Variants in PRKCZ observed in about 807,000 individuals in gnomAD.
PRKCZ encodes the protein protein kinase C zeta type.
Under a neutral mutation model 79.5 loss-of-function variants are expected in PRKCZ, and 33 were observed. That is an observed-to-expected ratio of 0.41 (90% CI 0.31 to 0.55). The LOEUF (loss-of-function observed/expected upper bound fraction) is 0.55, where lower values mean the gene tolerates loss of function less well. Among genes scored for constraint, PRKCZ ranks in the 20% least tolerant of loss-of-function variants. The pLI is 0.19. For missense variants in PRKCZ, 578 were observed against 813.5 expected (o/e 0.71, Z 3.52); for synonymous variants, 342 against 320.9 (o/e 1.07, Z -0.70).
chr1:2,059,672 G>A (rs1008787373), intron 4 of PRKCZ, 81 bp downstream of exon 4: 1 of 1,566,586 alleles, frequency 6.4e-7, no homozygotes, highest in African/African-American at 1.4e-5. Flanking sequence ...AGGTGGCAGT[G>A]GTGCCGTTTT....
At chr1:2,067,827 T>C (rs1427894105) in intron 4 of PRKCZ, among the ~76,000 whole-genome samples, 1 of 152,248 alleles carries the variant, frequency 6.6e-6, no homozygotes, top group Non-Finnish European at 1.5e-5. Flanking sequence ...TTTGTTTCAA[T>C]ACTCAAATCT....
chr1:2,100,294 C>T (rs551689713), intron 4 of PRKCZ, among the ~76,000 whole-genome samples: 17 of 152,220 alleles, frequency 1.1e-4, no homozygotes, highest in Admixed American at 7.2e-4. Flanking sequence ...CTGTGGTAAC[C>T]GAGAATTCCT....
chr1:2,119,468 G>A (rs1359972156), intron 4 of PRKCZ, among the ~76,000 whole-genome samples: 8 of 152,108 alleles, frequency 5.3e-5, no homozygotes, highest in Non-Finnish European at 1.2e-4. Context: ...GTCTGCCTTG[G>A]CCTCCCAAAG....
Position 2,121,479 on chromosome 1 carries a change from G to GGGTCATGGTGGTAC in PRKCZ, c.335-13783_335-13782insGGTCATGGTGGTAC, listed in dbSNP as rs1168374841. Reference sequence around the variant, plus strand: ...TTAGTTAGAGTCATGGCGGTAGTTAGTTAGGGTCACGGTGGTAGTTAGGAT... The same window carrying GGGTCATGGTGGTAC: ...TTAGTTAGAGTCATGGCGGTAGTTAGGGTCATGGTGGTACTTAGGGTCACGGTGGTAGTTAGGAT... On this transcript the variant is annotated intron_variant, in intron 4 of 17. Coordinates refer to ENST00000378567, the MANE Select transcript of PRKCZ (RefSeq NM_002744.6). Among the ~76,000 whole-genome samples, 432 of 150,992 alleles carry GGGTCATGGTGGTAC rather than the reference G, an allele frequency of 2.9e-3. 12 individuals are homozygous for GGGTCATGGTGGTAC. In the East Asian group the frequency reaches 0.064, roughly 22 times the overall value.
chr1:2,080,651 C>T (rs747955654), intron 4 of PRKCZ, among the ~76,000 whole-genome samples: 7 of 152,200 alleles, frequency 4.6e-5, no homozygotes, highest in African/African-American at 1.2e-4. Flanking sequence ...CAGCGTAATG[C>T]GTGAGTTACA....
intron 10 of PRKCZ, among the ~76,000 whole-genome samples, chr1:2,157,599 G>A (rs1681319016): frequency 6.6e-6 from 1 of 151,582 alleles, no homozygotes; most frequent in Admixed American, 6.6e-5. Context: ...TGTATTTTTA[G>A]TACTCTGTGT....
In PRKCZ at chr1:2,089,903, A is replaced by AC. The variant is rs1286758511; in HGVS notation, c.334+30312_334+30313insC. Among the ~76,000 whole-genome samples the AC allele has an allele frequency of 2.6e-5, 4 of 151,894 alleles. No homozygotes were observed. In the East Asian group the frequency reaches 5.8e-4, roughly 22 times the overall value. ...AACATAGCGAGATCCCATTAAAAAA[A>AC]ATCCAAACAAAAAGCTTTATTCTCT... On this transcript the variant is annotated intron_variant, in intron 4 of 17. Coordinates refer to ENST00000378567, the MANE Select transcript of PRKCZ (RefSeq NM_002744.6).
chr1:2,072,273 T>C (rs1410705198), intron 4 of PRKCZ, among the ~76,000 whole-genome samples: 2 of 152,236 alleles, frequency 1.3e-5, no homozygotes, highest in Non-Finnish European at 2.9e-5. Flanking sequence ...GTCCACTCCG[T>C]GAATGCAGAT....
intron 4 of PRKCZ, among the ~76,000 whole-genome samples, chr1:2,066,401 G>A: frequency 6.6e-6 from 1 of 152,168 alleles, no homozygotes; most frequent in Non-Finnish European, 1.5e-5. Flanking sequence ...AGAGTGCAGT[G>A]GCTCGATCTC....
intron 4 of PRKCZ, among the ~76,000 whole-genome samples, chr1:2,084,569 A>C (rs1343396088): frequency 6.6e-6 from 1 of 152,154 alleles, no homozygotes; most frequent in African/African-American, 2.4e-5. Context: ...CTGTGTGCTC[A>C]CCCTGCCCTG....
Position 2,069,006 on chromosome 1 carries a change from G to C in PRKCZ, c.334+9415G>C, listed in dbSNP as rs376194987. ...GTTGGGGAAACGTGGCCCAGTTCCC[G>C]CCAGTCACCACCCTGCCGGCTGCCA... On this transcript the variant is annotated intron_variant, in intron 4 of 17. Transcript: ENST00000378567. Among the ~76,000 whole-genome samples the C allele has an allele frequency of 1.3e-4, 20 of 152,228 alleles. 1 individual carries two copies. In the East Asian group the frequency reaches 1.9e-3, roughly 15 times the overall value.
At chr1:2,071,321 C>A (rs776602514) in intron 4 of PRKCZ, 2 of 467,036 alleles carry the variant, frequency 4.3e-6, no homozygotes, top group Non-Finnish European at 8.5e-6. Context: ...GGGAAGAGAG[C>A]GGCCCCACCG....
chr1:2,148,272 C>G (rs1361576655), intron 7 of PRKCZ, among the ~76,000 whole-genome samples: 1 of 152,086 alleles, frequency 6.6e-6, no homozygotes. Flanking sequence ...CTCCATCTAT[C>G]CATCTATTGT....
intron 4 of PRKCZ, among the ~76,000 whole-genome samples, chr1:2,092,370 A>G (rs1665671144): frequency 1.3e-5 from 2 of 152,208 alleles, no homozygotes; most frequent in South Asian, 4.1e-4. Context: ...TTCCCGCCTC[A>G]GGGTGCCCAG....
At position 2,169,619 on chromosome 1, in the gene PRKCZ, A is replaced by AG; in HGVS notation, c.1061+15_1061+16insG. 7.2e-7 allele frequency: 1 copy of AG among 1,390,934 alleles called. No homozygotes were observed. The highest frequency in any genetic ancestry group is 9.5e-7 in the Non-Finnish European group (1 of 1,049,058). The allele number at this position is 1,390,934 out of a possible 1,614,324, so 86.2% of individuals were successfully genotyped here. A position where few individuals can be genotyped will look rare whatever the true frequency, so the allele number is the denominator to read the frequency against. On this transcript the variant is annotated intron_variant, in intron 11 of 17. Coordinates refer to ENST00000378567, the MANE Select transcript of PRKCZ (RefSeq NM_002744.6). ...GAGCACGCCAGGTGGGTGCGCGTGG[A>AG]CGGGGCCGGGTGGGTGCGCCCGGAG...
At chr1:2,184,723 C>G in intron 17 of PRKCZ, 25 bp downstream of exon 17, 2 of 1,597,078 alleles carry the variant, frequency 1.3e-6, no homozygotes, top group Non-Finnish European at 1.7e-6. Context: ...GTGCGGGTCC[C>G]TGGAGCACCC....
rs1243892663 is a variant in PRKCZ, at chr1:2,085,166, T to C, written c.334+25575T>C. Among the ~76,000 whole-genome samples the C allele has an allele frequency of 2.0e-5, 3 of 152,238 alleles. No homozygotes were observed. In the East Asian group the frequency reaches 5.8e-4, roughly 29 times the overall value. ...GCTGGGTGAGGAGTAGAGAGGCAGC[T>C]GAGTGGGTATTTATTTAAAGGGAAG... is the stretch of plus-strand genomic sequence containing the variant. On this transcript the variant is annotated intron_variant, in intron 4 of 17. Coordinates refer to ENST00000378567, the MANE Select transcript of PRKCZ (RefSeq NM_002744.6).
chr1:2,164,753 C>T (rs1219251673), intron 10 of PRKCZ, among the ~76,000 whole-genome samples: 1 of 152,190 alleles, frequency 6.6e-6, no homozygotes, highest in African/African-American at 2.4e-5. Flanking sequence ...GCGTTATTAC[C>T]TCTTGGCGGG....
intron 5 of PRKCZ, among the ~76,000 whole-genome samples, chr1:2,140,128 G>A (rs1186738964): frequency 1.3e-5 from 2 of 152,228 alleles, no homozygotes; most frequent in African/African-American, 4.8e-5. Context: ...TTTGGTCCAA[G>A]CAGTGCCCTC....
Sources: allele counts gnomAD v4.1 joint callset (sites outside exome capture counted in the v4.1 genomes callset), GRCh38; gene constraint gnomAD v4.1.1; transcripts MANE v1.5; gene names NCBI Gene and HGNC (gene_info 2026-07-23, HGNC 2026-07-21).